DNM3: variants seen among roughly 807,000 people sequenced by gnomAD.
The protein encoded by DNM3 is dynamin 3, also known as dynamin-3.
DNM3 carries 47 observed loss-of-function variants against 101.6 expected under a neutral mutation model. That is an observed-to-expected ratio of 0.46 (90% CI 0.37 to 0.59). The LOEUF (loss-of-function observed/expected upper bound fraction) is 0.59. DNM3 is among the 20% of genes least tolerant of loss of function. The pLI is 0.00. For synonymous variants in DNM3, 385 were observed against 387.9 expected (o/e 0.99, Z 0.09); for missense variants, 849 against 1,085.7 (o/e 0.78, Z 3.06).
chr1:172,064,916 CTTA>C (rs921642947), intron 10 of DNM3, among the ~76,000 whole-genome samples: 34 of 152,154 alleles, frequency 2.2e-4, no homozygotes, highest in Admixed American at 6.6e-5. Context: ...AGAATTCAGG[CTTA>C]TTGACTTCCA....
At chr1:172,031,643 C>A (rs1470987753) in intron 4 of DNM3, among the ~76,000 whole-genome samples, 2 of 152,128 alleles carry the variant, frequency 1.3e-5, no homozygotes, top group Non-Finnish European at 2.9e-5. Context: ...TGACAAATAT[C>A]ATGTATATGA....
intron 14 of DNM3, among the ~76,000 whole-genome samples, chr1:172,243,635 C>G (rs2061829950): frequency 6.6e-6 from 1 of 152,084 alleles, no homozygotes; most frequent in African/African-American, 2.4e-5. Flanking sequence ...GTCTAAAGAC[C>G]GTGGAGTTTT....
intron 14 of DNM3, among the ~76,000 whole-genome samples, chr1:172,208,744 C>A (rs543595204): frequency 2.6e-4 from 40 of 152,224 alleles, no homozygotes; most frequent in African/African-American, 9.6e-4. Context: ...TGCTGCCTTC[C>A]TCTCCGCTAC....
chr1:171,985,929 C>T (rs1036142619), intron 2 of DNM3, among the ~76,000 whole-genome samples: 7 of 152,132 alleles, frequency 4.6e-5, no homozygotes, highest in Admixed American at 2.6e-4. Flanking sequence ...TTAATGCACA[C>T]GGCCTTTTCA....
chr1:172,234,908 C>T (rs1201660422), intron 14 of DNM3, among the ~76,000 whole-genome samples: 1 of 152,160 alleles, frequency 6.6e-6, no homozygotes, highest in Non-Finnish European at 1.5e-5. Context: ...TAGAAGAAAA[C>T]CTAGGCAGTA....
intron 4 of DNM3, among the ~76,000 whole-genome samples, chr1:172,008,777 T>A (rs1335656256): frequency 8.0e-6 from 1 of 124,614 alleles, no homozygotes; most frequent in African/African-American, 3.4e-5. Context: ...GTTATAGGTT[T>A]AATATATATT....
At chr1:172,388,861 A>C in intron 20 of DNM3, 52 bp downstream of exon 20, 2 of 1,362,810 alleles carry the variant, frequency 1.5e-6, no homozygotes, top group Non-Finnish European at 2.0e-6. Flanking sequence ...TTCTCTTCTC[A>C]TAGAATGACA....
Position 172,409,834 on chromosome 1 carries a change from T to C in DNM3, c.*1993T>C. On this transcript the variant is annotated 3_prime_UTR_variant, in exon 21 of 21. Coordinates refer to ENST00000627582, the MANE Select transcript of DNM3 (RefSeq NM_015569.5). ...CTTCAGGGTTTGGCTTTGTGCTAAA[T>C]GTGGTTTTGTGTTTTGCTGTATTTC... The C allele has an allele frequency of 1.0e-6, 1 of 985,810 alleles. No homozygotes were observed. The highest frequency in any genetic ancestry group is 4.7e-5 in the South Asian group (1 of 21,292). The allele number at this position is 985,810 out of a possible 1,614,324, so 61.1% of individuals were successfully genotyped here.
intron 14 of DNM3, among the ~76,000 whole-genome samples, chr1:172,191,074 G>C (rs2059703298): frequency 6.6e-6 from 1 of 152,038 alleles, no homozygotes; most frequent in Non-Finnish European, 1.5e-5. Context: ...TGTTGTTTTA[G>C]TCATGAAGTC....
chr1:172,377,552 T>TTATATATATATATATA (rs2068666196), intron 17 of DNM3, among the ~76,000 whole-genome samples: 1 of 45,080 alleles, frequency 2.2e-5, no homozygotes, highest in South Asian at 7.7e-4. Flanking sequence ...TTGATATATA[T>TTATATATATATATATA]CATATATATA....
chr1:171,946,830 G>T (rs1311038575), intron 2 of DNM3, among the ~76,000 whole-genome samples: 1 of 152,142 alleles, frequency 6.6e-6, no homozygotes, highest in Non-Finnish European at 1.5e-5. Context: ...GAGAAAGAGA[G>T]AAAGGAAAGA....
At chr1:171,872,837 C>T (rs573685372) in intron 1 of DNM3, among the ~76,000 whole-genome samples, 6 of 151,216 alleles carry the variant, frequency 4.0e-5, no homozygotes, top group African/African-American at 7.3e-5. Flanking sequence ...CTTGCTTTTT[C>T]GAGTCAGTTG....
At chr1:172,403,127 A>T (rs187384003) in intron 20 of DNM3, among the ~76,000 whole-genome samples, 3 of 152,298 alleles carry the variant, frequency 2.0e-5, no homozygotes, top group Admixed American at 1.3e-4. Flanking sequence ...CAATAGAAAA[A>T]ATTCTGCACT....
intron 10 of DNM3, 111 bp from the exon 11 acceptor site, chr1:172,068,708 C>A: frequency 1.1e-6 from 1 of 934,604 alleles, no homozygotes; most frequent in Non-Finnish European, 1.6e-6. Flanking sequence ...TTCATTTTTG[C>A]TTCCAGAATG....
At chr1:171,851,684 G>A (rs1274274205) in intron 1 of DNM3, among the ~76,000 whole-genome samples, 2 of 152,234 alleles carry the variant, frequency 1.3e-5, no homozygotes, top group Non-Finnish European at 2.9e-5. Flanking sequence ...AAAATGCTGG[G>A]ATTATAGGCG....
In DNM3 at chr1:172,267,590, G is replaced by T. The variant is rs190625984; in HGVS notation, c.1769+13908G>T. On this transcript the variant is annotated intron_variant, in intron 15 of 20. Coordinates refer to ENST00000627582, the MANE Select transcript of DNM3 (RefSeq NM_015569.5). ...AAGCATAGATGTTTTATTGTAAATTGTCTTAACATCATTCTCATAATCTTA... is the reference window on the plus strand; with the variant it reads ...AAGCATAGATGTTTTATTGTAAATTTTCTTAACATCATTCTCATAATCTTA... Among the ~76,000 whole-genome samples the T allele has an allele frequency of 6.2e-3, 935 of 151,516 alleles. 12 individuals are homozygous for T. Among genetic ancestry groups the T allele is most frequent in the African/African-American group, 0.021 (851 of 41,390 alleles).
intron 11 of DNM3, among the ~76,000 whole-genome samples, chr1:172,070,152 C>T (rs2052042481): frequency 6.6e-6 from 1 of 152,176 alleles, no homozygotes; most frequent in African/African-American, 2.4e-5. Context: ...ATAGTTTTCA[C>T]TTGTTTACCA....
At chr1:171,866,353 G>A (rs2206543) in intron 1 of DNM3, among the ~76,000 whole-genome samples, 88,447 of 151,594 alleles carry the variant, frequency 0.58, 25,994 homozygotes, top group East Asian at 0.8. Flanking sequence ...CATTTCTTTT[G>A]TACATCATAG....
intron 13 of DNM3, among the ~76,000 whole-genome samples, chr1:172,096,562 A>G (rs2054260394): frequency 6.6e-6 from 1 of 152,216 alleles, no homozygotes; most frequent in African/African-American, 2.4e-5. Context: ...TCTTCAATGC[A>G]TCAAGATTTA....
Sources: gnomAD v4.1 joint callset for allele counts (sites outside exome capture counted in the v4.1 genomes callset) on GRCh38, gnomAD v4.1.1 for gene constraint, MANE v1.5 for transcripts, NCBI Gene and HGNC (gene_info 2026-07-23, HGNC 2026-07-21) for gene names.